GTPBP3: variants seen among roughly 807,000 people sequenced by gnomAD.
GTPBP3 encodes the protein GTP binding protein 3, mitochondrial.
In GTPBP3, 35 loss-of-function variants were observed where a neutral mutation model predicts 42.0. The ratio of observed to expected loss-of-function variants is 0.83; its 90% CI spans 0.64 to 1.10. The LOEUF (loss-of-function observed/expected upper bound fraction) is 1.10, where lower values mean the gene tolerates loss of function less well. Among genes scored for constraint, GTPBP3 ranks in the 50% least tolerant of loss-of-function variants. GTPBP3 has a pLI of 0.00. For synonymous variants in GTPBP3, 332 were observed against 314.9 expected, an observed-to-expected ratio of 1.05 and a Z score of -0.58; for missense variants, 691 against 685.2, an observed-to-expected ratio of 1.01 and a Z score of -0.09.
chr19:17,338,575 A>T lies in GTPBP3; in HGVS notation c.425A>T (p.Glu142Val), dbSNP rs1232775917. 4 of 1,613,988 alleles carry T rather than the reference A, an allele frequency of 2.5e-6. No individual in the cohort carries two copies. Among genetic ancestry groups the T allele is most frequent in the East Asian group, 2.2e-5 (1 of 44,872 alleles). ...VPGLRPAEAG[E>V]FTRRAFANGK... is the part of the protein sequence containing the mutation. ...GGGCTTCGACCGGCGGAGGCAGGCG[A>T]GTTCACCAGACGGGCGTTCGCCAAT... Residue 142 changes from glutamate (E) to valine (V), a missense_variant, in exon 4 of 9, where the codon GAG becomes GTG. Glu to Val is a moderately radical substitution (Grantham distance 121, BLOSUM62 -2). Transcript: ENST00000324894.
In GTPBP3 at chr19:17,341,290, C is replaced by G. The variant is rs1247324713; in HGVS notation, c.1221C>G (p.Leu407=). ...TGACGGGAGAGGGGCTGGACGGCCTCCTGGAGGCGCTGAGGAAGGAGCTAG... is the reference window on the plus strand; with the variant it reads ...TGACGGGAGAGGGGCTGGACGGCCTGCTGGAGGCGCTGAGGAAGGAGCTAG... The part of the protein sequence containing the change: ...SCLTGEGLDG[L]LEALRKELAA... Residue 407 remains leucine (L), a synonymous_variant, in exon 8 of 9, where the codon CTC becomes CTG. Transcript: ENST00000324894. 6.2e-7 allele frequency: 1 copy of G among 1,604,200 alleles called. No homozygotes were observed. Among genetic ancestry groups the G allele is most frequent in the Non-Finnish European group, 8.5e-7 (1 of 1,179,334 alleles).
rs765462341 is a variant in GTPBP3, at chr19:17,338,406, G to A, written c.343G>A (p.Val115Met). 3 of 1,614,034 alleles carry A rather than the reference G, an allele frequency of 1.9e-6. No homozygotes were observed. The African/African-American group carries it at 4.0e-5, about 22-fold the overall frequency. The part of the protein sequence containing the change: ...FTGEDCVEFH[V>M]HGGPAVVSGV... ...CGGTGAGGACTGCGTGGAGTTCCAC[G>A]TGCATGGAGGCCCGGCAGTGGTGAG... Residue 115 changes from valine (V) to methionine (M), a missense_variant, in exon 3 of 9, where the codon GTG becomes ATG. Physicochemically the swap from Val to Met is conservative, Grantham distance 21. Transcript: ENST00000324894.
In GTPBP3 at chr19:17,338,120, C is replaced by T. The variant is rs1398098212; in HGVS notation, c.166C>T (p.Pro56Ser). The T allele has an allele frequency of 2.5e-6, 4 of 1,595,732 alleles. No homozygotes were observed. The highest frequency in any genetic ancestry group is 3.4e-6 in the Non-Finnish European group (4 of 1,178,218). The change falls in exon 2 of 9, where the codon CCC (proline) becomes TCC (serine). Residue 56 changes from proline to serine, a missense_variant. Physicochemically the swap from Pro to Ser is moderately conservative, Grantham distance 74. Transcript: ENST00000324894. ...CGIAVIRTSG[P>S]ASGHALRILT... ...CATCGCAGTGATCCGGACCAGCGGC[C>T]CCGCCAGCGGCCACGCCCTCCGAAT...
At chr19:17,339,734 GGTTCTTTTT>G in intron 7 of GTPBP3, 135 bp downstream of exon 7, 1 of 725,860 alleles carries the variant, frequency 1.4e-6, no homozygotes, top group Non-Finnish European at 2.0e-6. Context: ...TCAGGGATTT[GGTTCTTTTT>G]TTTTTTTTTT....
chr19:17,338,247 G>C lies in GTPBP3; in HGVS notation c.293G>C (p.Trp98Ser). Residue 98 changes from tryptophan to serine, a missense_variant, in exon 2 of 9, where the codon TGG (tryptophan) becomes TCG (serine). Physicochemically the swap from Trp to Ser is radical, Grantham distance 177. Transcript: ENST00000324894. Reference sequence around the variant, plus strand: ...CCTCTGGACCGCGCACTGGTGCTCTGGTTCCCAGGTGAGGGTCCCCAGGTT... The same window carrying C: ...CCTCTGGACCGCGCACTGGTGCTCTCGTTCCCAGGTGAGGGTCCCCAGGTT... ...GEPLDRALVL[W>S]FPGPQSFTGE... 1 of 1,589,974 alleles carries C rather than the reference G, an allele frequency of 6.3e-7. No individual in the cohort carries two copies. The highest frequency in any genetic ancestry group is 1.1e-5 in the South Asian group (1 of 89,462).
chr19:17,340,637 C>A (rs12982039), intron 7 of GTPBP3, among the ~76,000 whole-genome samples: 1 of 151,464 alleles, frequency 6.6e-6, no homozygotes, highest in Non-Finnish European at 1.5e-5. Flanking sequence ...TCTGTCCCAG[C>A]CCCTGTGCTG....
At chr19:17,341,347 T>C in intron 8 of GTPBP3, 25 bp downstream of exon 8, 1 of 1,568,478 alleles carries the variant, frequency 6.4e-7, no homozygotes, top group Non-Finnish European at 8.6e-7. Context: ...ACTCCCAGCC[T>C]CCCCTGACCC....
upstream of GTPBP3, chr19:17,335,136 G>C (rs1383555048): frequency 6.5e-7 from 1 of 1,535,826 alleles, no homozygotes; most frequent in Non-Finnish European, 8.7e-7. Context: ...AGTTGACTAA[G>C]GGAGGACGTG....
intron 7 of GTPBP3, 27 bp downstream of exon 7, chr19:17,339,626 G>C: frequency 6.4e-7 from 1 of 1,563,236 alleles, no homozygotes; most frequent in Non-Finnish European, 8.6e-7. Flanking sequence ...GTGATGGGAG[G>C]GGAACGCGGG....
chr19:17,335,108 G>T (rs1294673107), upstream of GTPBP3: 1 of 1,535,704 alleles, frequency 6.5e-7, no homozygotes, highest in African/African-American at 1.4e-5. Flanking sequence ...ACGCTGTTTG[G>T]AATGTGAGAT....
chr19:17,337,224 C>T, upstream of GTPBP3: 1 of 189,908 alleles, frequency 5.3e-6, no homozygotes, highest in Non-Finnish European at 1.1e-5. Context: ...CCTAAGGCTG[C>T]GGAGTGAGCA....
In GTPBP3 at chr19:17,339,283, A is replaced by T; in HGVS notation, c.808+17A>T. The T allele has an allele frequency of 1.3e-6, 2 of 1,592,070 alleles. No individual in the cohort carries two copies. The highest frequency in any genetic ancestry group is 1.7e-6 in the Non-Finnish European group (2 of 1,169,466). On this transcript the variant is annotated intron_variant, in intron 6 of 8. Transcript: ENST00000324894. ...ACCTGCTCAGTGAGTAGGCGGCGGG[A>T]AGGGGGCGGGGCCTAGTGCCAGGGG...
chr19:17,338,349 C>G lies in GTPBP3; in HGVS notation c.302-16C>G, dbSNP rs371511579. 79 of 1,613,528 alleles carry G rather than the reference C, an allele frequency of 4.9e-5. No homozygotes were observed. In the Middle Eastern group the frequency reaches 2.0e-3, roughly 40 times the overall value. ...ACTGGCTGTGCTGTCCTCCTGTCAC[C>G]TGTCTGTCACATTAGGTCCCCAGAG... On this transcript the variant is annotated splice_polypyrimidine_tract_variant and intron_variant, in intron 2 of 8. Transcript: ENST00000324894.
At chr19:17,338,792 C>T (rs1404128467) in intron 4 of GTPBP3, 51 bp downstream of exon 4, 1 of 1,560,632 alleles carries the variant, frequency 6.4e-7, no homozygotes, top group Non-Finnish European at 8.7e-7. Context: ...ATCTGTGCAA[C>T]CCCTGCATGA....
At chr19:17,336,008 G>T (rs1020462344), upstream of GTPBP3, among the ~76,000 whole-genome samples, 2 of 152,148 alleles carry the variant, frequency 1.3e-5, no homozygotes, top group South Asian at 2.1e-4. Flanking sequence ...GCCAAGGCGG[G>T]TAGATCACCT....
chr19:17,338,094 G>T lies in GTPBP3; in HGVS notation c.140G>T (p.Gly47Val), dbSNP rs1330352858. The T allele has an allele frequency of 1.3e-6, 2 of 1,596,898 alleles. No homozygotes were observed. The highest frequency in any genetic ancestry group is 1.1e-5 in the South Asian group (1 of 90,840). ...FALSSGQGRC[G>V]IAVIRTSGPA... is the part of the protein sequence containing the mutation. The stretch of plus-strand genomic sequence containing the variant: ...CTAAGCTCTGGCCAAGGCCGCTGCG[G>T]CATCGCAGTGATCCGGACCAGCGGC... The change falls in exon 2 of 9, where the codon GGC becomes GTC. Residue 47 changes from glycine (G) to valine (V), a missense_variant. Coordinates refer to ENST00000324894, the MANE Select transcript of GTPBP3 (RefSeq NM_032620.4).
At chr19:17,335,889 G>A (rs930950191), upstream of GTPBP3, among the ~76,000 whole-genome samples, 4 of 96,322 alleles carry the variant, frequency 4.2e-5, no homozygotes, top group Non-Finnish European at 6.3e-5. Flanking sequence ...ACTAGAGAAT[G>A]GCAGATGAAA....
Position 17,338,410 on chromosome 19 carries a change from A to G in GTPBP3, c.347A>G (p.His116Arg). 6.2e-7 allele frequency: 1 copy of G among 1,614,170 alleles called. No homozygotes were observed. Among genetic ancestry groups the G allele is most frequent in the Non-Finnish European group, 8.5e-7 (1 of 1,180,048 alleles). Residue 116 changes from histidine (H) to arginine (R), a missense_variant, in exon 3 of 9, where the codon CAT (histidine) becomes CGT (arginine). By Grantham distance (29) the His-to-Arg change is conservative (BLOSUM62 0). Coordinates refer to ENST00000324894, the MANE Select transcript of GTPBP3 (RefSeq NM_032620.4). ...TGEDCVEFHV[H>R]GGPAVVSGVL... Reference sequence around the variant, plus strand: ...GAGGACTGCGTGGAGTTCCACGTGCATGGAGGCCCGGCAGTGGTGAGCGGC... The same window carrying G: ...GAGGACTGCGTGGAGTTCCACGTGCGTGGAGGCCCGGCAGTGGTGAGCGGC...
At position 17,337,682 on chromosome 19, in the gene GTPBP3, G is replaced by C; in HGVS notation, c.53+18G>C. On this transcript the variant is annotated intron_variant, in intron 1 of 8. Coordinates refer to ENST00000324894, the MANE Select transcript of GTPBP3 (RefSeq NM_032620.4). ...CCTCGCAGGTGGGGCTACAGGGGAA[G>C]GGGTGCGACAGCTTGGGGTGCTGCT... 2 of 1,359,000 alleles carry C rather than the reference G, an allele frequency of 1.5e-6. No homozygotes were observed. The highest frequency in any genetic ancestry group is 4.1e-5 in the South Asian group (2 of 49,092). 84.2% of individuals were successfully genotyped at this position (1,359,000 alleles called of 1,614,324 possible).
Sources: gnomAD v4.1 joint callset for allele counts (sites outside exome capture counted in the v4.1 genomes callset) on GRCh38, gnomAD v4.1.1 for gene constraint, MANE v1.5 for transcripts, NCBI Gene and HGNC (gene_info 2026-07-23, HGNC 2026-07-21) for gene names.